Variants in LRP1B observed in about 807,000 individuals in gnomAD.
LRP1B encodes the protein low-density lipoprotein receptor-related protein 1B.
A neutral mutation model predicts 556.6 loss-of-function variants in LRP1B; 217 were observed. The observed-to-expected ratio is 0.39, with a 90% CI of 0.35 to 0.44. The LOEUF is 0.44. Ranked by LOEUF, LRP1B falls within the 20% of genes least tolerant of loss-of-function variation. LRP1B has a pLI of 1.00. For missense variants in LRP1B, 5,053 were observed against 5,620.8 expected (o/e 0.90, Z 3.23); for synonymous variants, 2,047 against 1,865.8 (o/e 1.10, Z -2.50).
At chr2:141,964,491 G>A (rs1433647762) in intron 1 of LRP1B, among the ~76,000 whole-genome samples, 1 of 150,918 alleles carries the variant, frequency 6.6e-6, no homozygotes, top group Non-Finnish European at 1.5e-5. Flanking sequence ...ACAAGCAATG[G>A]GGAAAGGATT....
At chr2:140,913,259 G>A (rs1012073320) in intron 21 of LRP1B, among the ~76,000 whole-genome samples, 1 of 151,784 alleles carries the variant, frequency 6.6e-6, no homozygotes, top group Non-Finnish European at 1.5e-5. Context: ...AGTGTAGAAA[G>A]ATGGGGAAGA....
At chr2:142,126,253 T>A (rs955039332) in intron 1 of LRP1B, among the ~76,000 whole-genome samples, 4 of 150,300 alleles carry the variant, frequency 2.7e-5, no homozygotes, top group South Asian at 4.1e-4. Context: ...AACTTAAAAT[T>A]TTTTTCATTT....
chr2:140,302,084 G>A (rs989965815), intron 83 of LRP1B, among the ~76,000 whole-genome samples: 5 of 151,926 alleles, frequency 3.3e-5, no homozygotes, highest in African/African-American at 7.3e-5. Flanking sequence ...AGTGGCTTCC[G>A]AAACACTAGC....
At chr2:141,275,199 A>G (rs1436888820) in intron 3 of LRP1B, among the ~76,000 whole-genome samples, 1 of 152,232 alleles carries the variant, frequency 6.6e-6, no homozygotes, top group Admixed American at 6.5e-5. Flanking sequence ...TAAAATAGTA[A>G]AGTAAATAAA....
At chr2:142,038,528 T>C (rs973276879) in intron 1 of LRP1B, among the ~76,000 whole-genome samples, 8 of 151,576 alleles carry the variant, frequency 5.3e-5, no homozygotes, top group Non-Finnish European at 1.0e-4. Flanking sequence ...TAAGTGTTTT[T>C]TATTATTTAT....
chr2:141,785,873 C>T (rs931097354), intron 2 of LRP1B, among the ~76,000 whole-genome samples: 4 of 151,240 alleles, frequency 2.6e-5, no homozygotes, highest in African/African-American at 9.7e-5. Context: ...ATATGAATTC[C>T]AAGGAGAAAG....
At chr2:141,704,445 C>T (rs1000673085) in intron 2 of LRP1B, among the ~76,000 whole-genome samples, 56 of 152,008 alleles carry the variant, frequency 3.7e-4, no homozygotes, top group Middle Eastern at 3.4e-3. Context: ...TTTTATTCAA[C>T]GTAACATATA....
At chr2:140,398,026 T>G (rs116601277) in intron 66 of LRP1B, among the ~76,000 whole-genome samples, 1 of 152,164 alleles carries the variant, frequency 6.6e-6, no homozygotes, top group Non-Finnish European at 1.5e-5. Flanking sequence ...TCACGTAAGA[T>G]GAAGCTTTAA....
At chr2:142,102,029 T>G (rs780349209) in intron 1 of LRP1B, among the ~76,000 whole-genome samples, 1 of 151,932 alleles carries the variant, frequency 6.6e-6, no homozygotes, top group Non-Finnish European at 1.5e-5. Flanking sequence ...TATCACTACA[T>G]TTTATTAAGT....
chr2:140,506,739 A>C, intron 53 of LRP1B, 57 bp downstream of exon 53: 2 of 1,557,660 alleles, frequency 1.3e-6, no homozygotes, highest in East Asian at 4.5e-5. Flanking sequence ...TTTACATACT[A>C]GTTTTGAAAG....
chr2:141,464,385 A>G (rs575741077), intron 3 of LRP1B, among the ~76,000 whole-genome samples: 38 of 150,818 alleles, frequency 2.5e-4, no homozygotes, highest in Admixed American at 1.5e-3. Flanking sequence ...TGGATATACT[A>G]TGCATTCTAT....
chr2:141,038,215 G>A (rs1271813856), intron 11 of LRP1B, among the ~76,000 whole-genome samples: 7 of 151,992 alleles, frequency 4.6e-5, no homozygotes, highest in East Asian at 1.9e-4. Context: ...CAACAAATAC[G>A]CCCTCCAGTC....
At chr2:142,024,658 T>C (rs1407790046) in intron 1 of LRP1B, among the ~76,000 whole-genome samples, 2 of 148,692 alleles carry the variant, frequency 1.3e-5, no homozygotes, top group African/African-American at 2.5e-5. Flanking sequence ...GCTTTCATGC[T>C]ACAGAATTTT....
At chr2:141,202,210 C>T (rs1682056793) in intron 6 of LRP1B, among the ~76,000 whole-genome samples, 1 of 150,084 alleles carries the variant, frequency 6.7e-6, no homozygotes, top group South Asian at 2.1e-4. Context: ...ACTCCAGCTC[C>T]ATCCATGTTA....
intron 2 of LRP1B, among the ~76,000 whole-genome samples, chr2:141,774,845 T>A (rs1399813815): frequency 2.6e-5 from 4 of 152,192 alleles, no homozygotes; most frequent in Admixed American, 1.3e-4. Context: ...TGACCCTCAC[T>A]GCTATCTTGA....
In LRP1B at chr2:140,501,783, A is replaced by G; in HGVS notation, c.8754T>C (p.Asp2918=). Reference sequence around the variant, plus strand: ...TATGGCAGTTTCTCTCATCTGAACCATCGCCACAGTCATCCTTATTGTCGC... The same window carrying G: ...TATGGCAGTTTCTCTCATCTGAACCGTCGCCACAGTCATCCTTATTGTCGC... The part of the protein sequence containing the change: ...GLCDNKDDCG[D]GSDERNCHIN... Residue 2918 remains aspartate (D), a synonymous_variant, in exon 55 of 91, where the codon GAT becomes GAC. Coordinates refer to ENST00000389484, the MANE Select transcript of LRP1B (RefSeq NM_018557.3). The G allele has an allele frequency of 6.2e-7, 1 of 1,613,028 alleles. No homozygotes were observed. Among genetic ancestry groups the G allele is most frequent in the Non-Finnish European group, 8.5e-7 (1 of 1,179,312 alleles).
intron 21 of LRP1B, among the ~76,000 whole-genome samples, chr2:140,919,045 A>T (rs1465124488): frequency 6.6e-6 from 1 of 152,008 alleles, no homozygotes; most frequent in Non-Finnish European, 1.5e-5. Context: ...GAGGGTCTCA[A>T]CATACTTATT....
At chr2:141,870,943 C>T (rs1172700024) in intron 1 of LRP1B, among the ~76,000 whole-genome samples, 1 of 151,808 alleles carries the variant, frequency 6.6e-6, no homozygotes, top group Admixed American at 6.6e-5. Flanking sequence ...TGCACTAGTC[C>T]CCCCTGGACC....
rs568870134 is a variant in LRP1B, at chr2:140,575,316, C to T, written c.7194+23315G>A. The stretch of plus-strand genomic sequence containing the variant: ...ACAGCTATATTATTTAAACTAAATG[C>T]TAACTCTCCCTATTGGCAGAAATAA... On this transcript the variant is annotated intron_variant, in intron 43 of 90. Coordinates refer to ENST00000389484, the MANE Select transcript of LRP1B (RefSeq NM_018557.3). 1.2e-4 allele frequency among the ~76,000 whole-genome samples: 18 copies of T among 152,270 alleles called. No homozygotes were observed. In the South Asian group the frequency reaches 2.3e-3, roughly 19 times the overall value.
Sources: gnomAD v4.1 joint callset for allele counts (sites outside exome capture counted in the v4.1 genomes callset) on GRCh38, gnomAD v4.1.1 for gene constraint, MANE v1.5 for transcripts, NCBI Gene and HGNC (gene_info 2026-07-23, HGNC 2026-07-21) for gene names.